KAZN: variants seen among roughly 807,000 people sequenced by gnomAD.
The protein encoded by KAZN is kazrin, periplakin interacting protein.
A neutral mutation model predicts 87.4 loss-of-function variants in KAZN; 40 were observed. The observed-to-expected ratio is 0.46, with a 90% CI of 0.36 to 0.60. The LOEUF (loss-of-function observed/expected upper bound fraction) is 0.60. Among genes scored for constraint, KAZN ranks in the 20% least tolerant of loss-of-function variants. The pLI is 0.00. For synonymous variants in KAZN, 466 were observed against 458.3 expected (o/e 1.02, Z -0.22); for missense variants, 898 against 1,073.9 (o/e 0.84, Z 2.29).
At chr1:15,106,966 A>G (rs1446200416) in intron 13 of KAZN, among the ~76,000 whole-genome samples, 1 of 151,820 alleles carries the variant, frequency 6.6e-6, no homozygotes, top group Non-Finnish European at 1.5e-5. Context: ...CGGAGGAGTC[A>G]AAACAAACAA....
At position 13,908,027 on chromosome 1, in the gene KAZN, T is replaced by C. The variant is rs77722509; in HGVS notation, c.91+14271T>C. Among the ~76,000 whole-genome samples, 474 of 152,350 alleles carry C rather than the reference T, an allele frequency of 3.1e-3. 3 individuals are homozygous for C. Among genetic ancestry groups the C allele is most frequent in the African/African-American group, 0.011 (455 of 41,584 alleles). Reference sequence around the variant, plus strand: ...CAGTGGTAGCAGGAGATGGAATAGATGACAAGGCAAAGAGAACATTTGCTG... The same window carrying C: ...CAGTGGTAGCAGGAGATGGAATAGACGACAAGGCAAAGAGAACATTTGCTG... On this transcript the variant is annotated intron_variant, in intron 1 of 16. Coordinates refer to the KAZN transcript ENST00000636203.
intron 2 of KAZN, among the ~76,000 whole-genome samples, chr1:14,462,944 G>A (rs534886673): frequency 1.3e-5 from 2 of 152,118 alleles, no homozygotes; most frequent in South Asian, 4.1e-4. Context: ...GAATTCAAGC[G>A]TGAGCTGGTG....
intron 8 of KAZN, among the ~76,000 whole-genome samples, chr1:15,091,507 C>T (rs1287832815): frequency 6.6e-6 from 1 of 152,230 alleles, no homozygotes; most frequent in East Asian, 1.9e-4. Flanking sequence ...ACCACGCCCA[C>T]GCCGGGATAA....
At chr1:14,190,132 G>A (rs1285372853) in intron 2 of KAZN, among the ~76,000 whole-genome samples, 3 of 152,106 alleles carry the variant, frequency 2.0e-5, no homozygotes, top group Non-Finnish European at 4.4e-5. Flanking sequence ...AACACGATGA[G>A]CCATTAAAAG....
chr1:14,193,098 C>T (rs999499366), intron 2 of KAZN, among the ~76,000 whole-genome samples: 8 of 152,126 alleles, frequency 5.3e-5, no homozygotes, highest in Non-Finnish European at 1.0e-4. Context: ...TTTTATAAGG[C>T]GTTCTTCCCC....
chr1:13,940,063 A>C (rs1032186603), intron 1 of KAZN, among the ~76,000 whole-genome samples: 12 of 152,174 alleles, frequency 7.9e-5, no homozygotes, highest in African/African-American at 2.9e-4. Context: ...ACAACATCCA[A>C]ACTAAATCAG....
intron 1 of KAZN, among the ~76,000 whole-genome samples, chr1:13,982,030 G>C (rs893099001): frequency 1.7e-4 from 26 of 152,304 alleles, no homozygotes; most frequent in Non-Finnish European, 1.8e-4. Context: ...CTTCAATGTT[G>C]ATTCCCACCC....
rs1205479520 is a variant in KAZN at position 15,077,312 on chromosome 1, C to T, written c.1222+11559C>T. Among the ~76,000 whole-genome samples, 1 of 152,120 alleles carries T rather than the reference C, an allele frequency of 6.6e-6. No homozygotes were observed. Among genetic ancestry groups the T allele is most frequent in the East Asian group, 1.9e-4 (1 of 5,174 alleles). On this transcript the variant is annotated intron_variant, in intron 8 of 14. Transcript: ENST00000376030. The surrounding 1 kb of genome is among the most constrained non-coding windows in gnomAD (Gnocchi z 4.8). ...TGGTCTTCCCCTGCGTGTGGAGTCC[C>T]CGGGCCTGCCTGGCTGTAGGCGCCC...
intron 2 of KAZN, among the ~76,000 whole-genome samples, chr1:14,374,933 G>A (rs954126241): frequency 6.6e-6 from 1 of 152,094 alleles, no homozygotes; most frequent in Non-Finnish European, 1.5e-5. Flanking sequence ...TATTGAGCTC[G>A]TCCATTTTCA....
chr1:14,511,110 G>A (rs1403649157), intron 2 of KAZN, among the ~76,000 whole-genome samples: 12 of 123,034 alleles, frequency 9.8e-5, no homozygotes, highest in Non-Finnish European at 2.0e-4. Context: ...ATCTGCGGGG[G>A]GTGGGAGGGT....
At chr1:14,393,826 G>C (rs1198643629) in intron 2 of KAZN, among the ~76,000 whole-genome samples, 1 of 130,874 alleles carries the variant, frequency 7.6e-6, no homozygotes, top group Admixed American at 9.3e-5. Context: ...CTGAGTGACA[G>C]AGCCAGACCC....
intron 1 of KAZN, among the ~76,000 whole-genome samples, chr1:14,789,345 C>T (rs921126891): frequency 6.6e-6 from 1 of 152,176 alleles, no homozygotes; most frequent in African/African-American, 2.4e-5. Flanking sequence ...CCAAATCCAT[C>T]CATTCCGGTC....
At chr1:14,613,267 C>T (rs1677962076) in intron 1 of KAZN, among the ~76,000 whole-genome samples, 1 of 152,222 alleles carries the variant, frequency 6.6e-6, no homozygotes, top group Non-Finnish European at 1.5e-5. Flanking sequence ...CAGAGGCTGG[C>T]AGGCTGAGGC....
chr1:13,894,463 G>A (rs1187708633), intron 1 of KAZN, among the ~76,000 whole-genome samples: 3 of 152,136 alleles, frequency 2.0e-5, no homozygotes, highest in Non-Finnish European at 2.9e-5. Flanking sequence ...AAACTCACAA[G>A]TGGTGCTTAA....
At chr1:14,131,869 AT>A (rs552566708) in intron 1 of KAZN, among the ~76,000 whole-genome samples, 139 of 151,932 alleles carry the variant, frequency 9.1e-4, no homozygotes, top group African/African-American at 3.2e-3. Context: ...ATTCAGACTC[AT>A]TTTTTTATGA....
At position 14,882,520 on chromosome 1, in the gene KAZN, G is replaced by A. The variant is rs72638342; in HGVS notation, c.227-78164G>A. Among the ~76,000 whole-genome samples the A allele has an allele frequency of 5.9e-3, 900 of 152,300 alleles. 8 individuals are homozygous for A. Among genetic ancestry groups the A allele is most frequent in the South Asian group, 0.018 (89 of 4,826 alleles). On this transcript the variant is annotated intron_variant, in intron 1 of 14. Transcript: ENST00000376030. ...CACCCTGCTCGAGGTCAGGCATATG[G>A]TTGGTTTTGATAAAGGAGGGCTTCT...
chr1:14,954,291 C>T (rs904960398), intron 1 of KAZN, among the ~76,000 whole-genome samples: 4 of 152,234 alleles, frequency 2.6e-5, no homozygotes, highest in Non-Finnish European at 5.9e-5. Context: ...GGCCTGAGGG[C>T]ACTGTGGTTC....
chr1:14,393,974 C>T (rs1486915650), intron 2 of KAZN, among the ~76,000 whole-genome samples: 1 of 151,744 alleles, frequency 6.6e-6, no homozygotes, highest in Non-Finnish European at 1.5e-5. Context: ...AGAATTAGAG[C>T]TTTGCTGTTA....
chr1:14,155,953 C>G (rs557445484), intron 1 of KAZN, among the ~76,000 whole-genome samples: 1 of 152,100 alleles, frequency 6.6e-6, no homozygotes, highest in African/African-American at 2.4e-5. Context: ...TTTTTCTTCT[C>G]TTTTGATGTT....
Sources: gnomAD v4.1 joint callset for allele counts (sites outside exome capture counted in the v4.1 genomes callset) on GRCh38, gnomAD v4.1.1 for gene constraint, Gnocchi (gnomAD v3.1) non-coding constraint, MANE v1.5 for transcripts, NCBI Gene and HGNC (gene_info 2026-07-23, HGNC 2026-07-21) for gene names.